ZMAT4: variants seen among roughly 807,000 people sequenced by gnomAD.
ZMAT4 encodes the protein zinc finger matrin-type protein 4.
A neutral mutation model predicts 28.7 loss-of-function variants in ZMAT4; 17 were observed. The observed-to-expected ratio is 0.59, with a 90% CI of 0.41 to 0.89. The LOEUF is 0.89. Among genes scored for constraint, ZMAT4 ranks in the 40% least tolerant of loss-of-function variants. The probability of loss-of-function intolerance (pLI) is 0.00; values close to 1 mark genes in which losing one functional copy is unlikely to be tolerated. For missense variants in ZMAT4, 240 were observed against 283.8 expected (o/e 0.85, Z 1.11); for synonymous variants, 117 against 109.2 (o/e 1.07, Z -0.44).
intron 2 of ZMAT4, among the ~76,000 whole-genome samples, chr8:40,819,396 T>A (rs1369463971): frequency 6.6e-6 from 1 of 152,124 alleles, no homozygotes; most frequent in Non-Finnish European, 1.5e-5. Flanking sequence ...TAATACATCA[T>A]CCCTTCTTCT....
chr8:40,807,754 A>T (rs968766274), intron 2 of ZMAT4, among the ~76,000 whole-genome samples: 3 of 152,244 alleles, frequency 2.0e-5, no homozygotes, highest in African/African-American at 7.2e-5. Context: ...CAGTGACTTC[A>T]TTAATTTCAA....
rs1162088756 is a variant in ZMAT4 at position 40,653,166 on chromosome 8, T to C, written c.577+21538A>G. Among the ~76,000 whole-genome samples, 3 of 151,724 alleles carry C rather than the reference T, an allele frequency of 2.0e-5. No individual in the cohort carries two copies. The East Asian group carries it at 5.8e-4, about 29-fold the overall frequency. On this transcript the variant is annotated intron_variant, in intron 5 of 6. Transcript: ENST00000297737. ...ACTCTTAAATAACCAATAGATCAAG[T>C]TACAAATAAAAATGGACAGCAAAAA...
At chr8:40,584,634 G>GT (rs982155274) in intron 5 of ZMAT4, among the ~76,000 whole-genome samples, 1 of 151,860 alleles carries the variant, frequency 6.6e-6, no homozygotes, top group Admixed American at 6.6e-5. Flanking sequence ...AAGAAATAAA[G>GT]TTTTTTATTT....
intron 5 of ZMAT4, among the ~76,000 whole-genome samples, chr8:40,659,003 G>C (rs1808062444): frequency 1.3e-5 from 2 of 152,086 alleles, no homozygotes; most frequent in African/African-American, 4.8e-5. Flanking sequence ...GATTACTCTA[G>C]CATTAGTAGA....
intron 6 of ZMAT4, among the ~76,000 whole-genome samples, chr8:40,551,788 C>A (rs1803376302): frequency 6.6e-6 from 1 of 152,156 alleles, no homozygotes; most frequent in Non-Finnish European, 1.5e-5. Flanking sequence ...GATATATCTG[C>A]ACTTGTAATT....
intron 3 of ZMAT4, among the ~76,000 whole-genome samples, chr8:40,731,172 C>A (rs1308730557): frequency 1.3e-5 from 2 of 152,104 alleles, no homozygotes; most frequent in Non-Finnish European, 2.9e-5. Flanking sequence ...CCCACTTCCC[C>A]TGGTTGGAGG....
At chr8:40,701,875 T>C (rs1291163687) in intron 3 of ZMAT4, among the ~76,000 whole-genome samples, 2 of 152,106 alleles carry the variant, frequency 1.3e-5, no homozygotes, top group African/African-American at 4.8e-5. Flanking sequence ...AATTAATGGC[T>C]CTTTGCAACT....
intron 5 of ZMAT4, among the ~76,000 whole-genome samples, chr8:40,640,777 T>G (rs932087831): frequency 6.6e-6 from 1 of 151,650 alleles, no homozygotes; most frequent in African/African-American, 2.4e-5. Flanking sequence ...CTAGCCAACA[T>G]GGTGAAACTC....
At chr8:40,812,825 A>G (rs909213438) in intron 2 of ZMAT4, among the ~76,000 whole-genome samples, 1 of 151,990 alleles carries the variant, frequency 6.6e-6, no homozygotes, top group African/African-American at 2.4e-5. Context: ...CTGGCTACTC[A>G]GGAGGCTGAG....
intron 1 of ZMAT4, among the ~76,000 whole-genome samples, chr8:40,875,231 GT>G (rs924921786): frequency 6.6e-6 from 1 of 152,140 alleles, no homozygotes; most frequent in Non-Finnish European, 1.5e-5. Context: ...CTGCCCACGT[GT>G]CCCCTCCCAT....
intron 1 of ZMAT4, among the ~76,000 whole-genome samples, chr8:40,859,555 G>C (rs1035331342): frequency 1.3e-5 from 2 of 152,132 alleles, no homozygotes; most frequent in African/African-American, 4.8e-5. Flanking sequence ...GCCTTCAGTG[G>C]GCTTTTAACA....
intron 6 of ZMAT4, among the ~76,000 whole-genome samples, chr8:40,553,214 G>A (rs1339236574): frequency 1.3e-5 from 2 of 152,250 alleles, no homozygotes; most frequent in Non-Finnish European, 2.9e-5. Flanking sequence ...CACCTTGGAA[G>A]CAAATCCTGC....
At chr8:40,848,088 C>T (rs190062912) in intron 1 of ZMAT4, among the ~76,000 whole-genome samples, 6 of 152,214 alleles carry the variant, frequency 3.9e-5, no homozygotes, top group Non-Finnish European at 8.8e-5. Context: ...TGTCTACCTG[C>T]TCCTTGTGTC....
At chr8:40,664,332 G>A (rs181392886) in intron 5 of ZMAT4, among the ~76,000 whole-genome samples, 1 of 152,290 alleles carries the variant, frequency 6.6e-6, no homozygotes, top group African/African-American at 2.4e-5. Flanking sequence ...AGGTGTGTGA[G>A]TGAGCTGCCT....
At chr8:40,789,187 A>G (rs1425186778) in intron 2 of ZMAT4, among the ~76,000 whole-genome samples, 1 of 152,204 alleles carries the variant, frequency 6.6e-6, no homozygotes, top group Non-Finnish European at 1.5e-5. Context: ...ACTCAAACAT[A>G]AATTGATTTA....
chr8:40,810,664 G>T (rs988888286), intron 2 of ZMAT4, among the ~76,000 whole-genome samples: 1 of 152,098 alleles, frequency 6.6e-6, no homozygotes, highest in African/African-American at 2.4e-5. Context: ...AGTGGAAAGG[G>T]CTTCTTAAAC....
chr8:40,619,642 G>A (rs2722436), intron 5 of ZMAT4, among the ~76,000 whole-genome samples: 84,759 of 152,146 alleles, frequency 0.56, 24,917 homozygotes, highest in Non-Finnish European at 0.65. Flanking sequence ...GTCCAAGTAG[G>A]CAGGCACTGG....
intron 2 of ZMAT4, among the ~76,000 whole-genome samples, chr8:40,791,852 T>C (rs922281680): frequency 4.6e-5 from 7 of 152,178 alleles, no homozygotes; most frequent in African/African-American, 1.7e-4. Context: ...TGCCCTGGTG[T>C]CCACTGGCTT....
At chr8:40,844,472 C>G (rs1386986280) in intron 1 of ZMAT4, among the ~76,000 whole-genome samples, 1 of 152,118 alleles carries the variant, frequency 6.6e-6, no homozygotes, top group Non-Finnish European at 1.5e-5. Flanking sequence ...ATTGTCAGTC[C>G]TTCAGATTCA....
Sources: allele counts gnomAD v4.1 joint callset (sites outside exome capture counted in the v4.1 genomes callset), GRCh38; gene constraint gnomAD v4.1.1; transcripts MANE v1.5; gene names NCBI Gene and HGNC (gene_info 2026-07-23, HGNC 2026-07-21).